The following MAP1LC3C variants were observed in gnomAD, a reference collection of about 807,000 sequenced individuals.
MAP1LC3C encodes microtubule-associated protein 1 light chain 3 gamma.
Under a neutral mutation model 10.4 loss-of-function variants are expected in MAP1LC3C, and 12 were observed. That is an observed-to-expected ratio of 1.15 (90% CI 0.74 to 1.86). The LOEUF is 1.86. MAP1LC3C is among the 40% of genes most tolerant of loss of function. MAP1LC3C has a pLI of 0.00. For synonymous variants in MAP1LC3C, 70 were observed against 69.0 expected (o/e 1.01, Z -0.07); for missense variants, 177 against 185.7 (o/e 0.95, Z 0.27).
At chr1:241,996,904 C>T (rs1173549309) in intron 3 of MAP1LC3C, among the ~76,000 whole-genome samples, 4 of 1,400 alleles carry the variant, frequency 2.9e-3, no homozygotes, top group Non-Finnish European at 9.8e-3. Context: ...AGCAAGACTG[C>T]GTCTCAAAAA....
chr1:241,997,940 ATTC>A, intron 3 of MAP1LC3C, among the ~76,000 whole-genome samples: 1 of 152,150 alleles, frequency 6.6e-6, no homozygotes, highest in Middle Eastern at 3.4e-3. Flanking sequence ...ACTTTAGGAA[ATTC>A]TTAGAAATGT....
upstream of MAP1LC3C, among the ~76,000 whole-genome samples, chr1:242,001,390 G>A (rs181498158): frequency 2.1e-3 from 315 of 152,312 alleles, 1 homozygote; most frequent in African/African-American, 7.4e-3. Context: ...GAGGTGGGCA[G>A]ATCACCTGAG....
rs774682694 is a variant in MAP1LC3C, at chr1:241,998,782, T to A, written c.108A>T (p.Lys36Asn). 1.9e-6 allele frequency: 3 copies of A among 1,614,026 alleles called. No homozygotes were observed. Among genetic ancestry groups the A allele is most frequent in the Non-Finnish European group, 1.7e-6 (2 of 1,180,008 alleles). Residue 36 changes from lysine to asparagine, a missense_variant, in exon 2 of 4, where the codon AAA (lysine) becomes AAT (asparagine). Lys to Asn is a moderately conservative substitution (Grantham distance 94). Transcript: ENST00000357246. ...VAGIRAKFPN[K>N]IPVVVERYPR... Reference sequence around the variant, plus strand: ...AAGTCCAGTGGTGTCTTACCGGGATTTTGTTGGGGAACTTTGCCCGGATTC... The same window carrying A: ...AAGTCCAGTGGTGTCTTACCGGGATATTGTTGGGGAACTTTGCCCGGATTC...
chr1:241,996,159 T>A lies in MAP1LC3C; in HGVS notation c.*4A>T, dbSNP rs775442811. 19 of 1,609,762 alleles carry A rather than the reference T, an allele frequency of 1.2e-5. No individual in the cohort carries two copies. On this transcript the variant is annotated 3_prime_UTR_variant, in exon 4 of 4. Transcript: ENST00000357246. ...GTCAGAGCACACATCCTTCCCGACA[T>A]GGGCTAGAGAGGATTGCAGGGTCTG...
Position 241,999,058 on chromosome 1 carries a change from C to T in MAP1LC3C, c.-50G>A. 1 of 1,557,778 alleles carries T rather than the reference C, an allele frequency of 6.4e-7. No homozygotes were observed. The highest frequency in any genetic ancestry group is 8.6e-7 in the Non-Finnish European group (1 of 1,163,100). On this transcript the variant is annotated 5_prime_UTR_variant, in exon 1 of 4. Coordinates refer to ENST00000357246, the MANE Select transcript of MAP1LC3C (RefSeq NM_001004343.3). ...TAAAAAAGAAAAAAAAACTGTCCCG[C>T]AACCGGGAACCTAACTCATTCCTCC... is the stretch of plus-strand genomic sequence containing the variant.
Position 241,996,120 on chromosome 1 carries a change from C to T in MAP1LC3C, c.*43G>A, listed in dbSNP as rs1010491386. On this transcript the variant is annotated 3_prime_UTR_variant, in exon 4 of 4. Coordinates refer to ENST00000357246, the MANE Select transcript of MAP1LC3C (RefSeq NM_001004343.3). The stretch of plus-strand genomic sequence containing the variant: ...GGAGAAAACCAATCCCTTCTGCCAG[C>T]ATCTGACACGTCTGTCAGAGCACAC... The T allele has an allele frequency of 3.2e-6, 5 of 1,550,476 alleles. No individual in the cohort carries two copies. The highest frequency in any genetic ancestry group is 2.3e-5 in the East Asian group (1 of 44,390).
At chr1:241,999,653 A>G (rs1665157132), upstream of MAP1LC3C, among the ~76,000 whole-genome samples, 1 of 152,158 alleles carries the variant, frequency 6.6e-6, no homozygotes. Context: ...TACTAAAAAT[A>G]CAAAAATTAG....
At position 241,999,055 on chromosome 1, in the gene MAP1LC3C, C is replaced by T; in HGVS notation, c.-47G>A. ...TTTTAAAAAAGAAAAAAAAACTGTC[C>T]CGCAACCGGGAACCTAACTCATTCC... On this transcript the variant is annotated 5_prime_UTR_variant, in exon 1 of 4. Transcript: ENST00000357246. 6.4e-7 allele frequency: 1 copy of T among 1,561,796 alleles called. No individual in the cohort carries two copies. Among genetic ancestry groups the T allele is most frequent in the African/African-American group, 1.4e-5 (1 of 72,356 alleles).
Position 241,996,034 on chromosome 1 carries a change from A to C in MAP1LC3C, c.*129T>G, listed in dbSNP as rs1302232751. On this transcript the variant is annotated 3_prime_UTR_variant, in exon 4 of 4. Transcript: ENST00000357246. Reference sequence around the variant, plus strand: ...TAGGAAGAGCCACCACTCTGCTGCCACTGGTTGGAGCTGATCACCCCAGGC... The same window carrying C: ...TAGGAAGAGCCACCACTCTGCTGCCCCTGGTTGGAGCTGATCACCCCAGGC... 2.8e-6 allele frequency: 2 copies of C among 709,296 alleles called. No individual in the cohort carries two copies. Among genetic ancestry groups the C allele is most frequent in the African/African-American group, 3.5e-5 (2 of 56,426 alleles). 43.9% of individuals were successfully genotyped at this position (709,296 alleles called of 1,614,324 possible).
intron 3 of MAP1LC3C, 36 bp downstream of exon 3, chr1:241,998,478 C>T: frequency 6.3e-7 from 1 of 1,587,400 alleles, no homozygotes; most frequent in Non-Finnish European, 8.7e-7. Context: ...GCGCACCCAG[C>T]GCACCTTCCT....
chr1:241,996,481 T>G (rs952875293), intron 3 of MAP1LC3C, 96 bp from the exon 4 acceptor site: 1 of 1,011,634 alleles, frequency 9.9e-7, no homozygotes, highest in Non-Finnish European at 1.5e-6. Context: ...TGCTCCCTTC[T>G]TCTTCCCTGA....
chr1:241,999,632 A>G (rs1028925490), upstream of MAP1LC3C, among the ~76,000 whole-genome samples: 2 of 152,170 alleles, frequency 1.3e-5, no homozygotes, highest in African/African-American at 4.8e-5. Flanking sequence ...AACATGCTGA[A>G]ACCCCATCTC....
chr1:241,998,684 A>C, intron 2 of MAP1LC3C, 64 bp from the exon 3 acceptor site: 1 of 1,608,430 alleles, frequency 6.2e-7, no homozygotes, highest in Non-Finnish European at 8.5e-7. Flanking sequence ...TGGAACAGAC[A>C]GAGGGAAGCT....
At chr1:241,996,507 A>G (rs1373346896) in intron 3 of MAP1LC3C, 122 bp from the exon 4 acceptor site, 11 of 787,106 alleles carry the variant, frequency 1.4e-5, no homozygotes, top group Non-Finnish European at 2.0e-5. Context: ...AGGAACTACA[A>G]GGCTTCCCAT....
chr1:241,996,247 G>A lies in MAP1LC3C; in HGVS notation c.360C>T (p.Ala120=), dbSNP rs781425891. 6.2e-7 allele frequency: 1 copy of A among 1,614,170 alleles called. No homozygotes were observed. Residue 120 remains alanine, a synonymous_variant, in exon 4 of 4, where the codon GCC becomes GCT. Coordinates refer to ENST00000357246, the MANE Select transcript of MAP1LC3C (RefSeq NM_001004343.3). ...DEDGFVYMTY[A]SQETFGCLES... is the part of the protein sequence containing the mutation. ...CCAGGCAGCCAAATGTCTCCTGGGA[G>A]GCGTAGGTCATGTACACGAAGCCAT...
chr1:241,999,599 C>T (rs1012146730), upstream of MAP1LC3C, among the ~76,000 whole-genome samples: 13 of 152,212 alleles, frequency 8.5e-5, no homozygotes, highest in East Asian at 1.9e-4. Flanking sequence ...CGTGGGAGGC[C>T]GAGGCGGGTG....
At chr1:241,997,443 C>G (rs28408310) in intron 3 of MAP1LC3C, among the ~76,000 whole-genome samples, 1 of 152,164 alleles carries the variant, frequency 6.6e-6, no homozygotes, top group East Asian at 1.9e-4. Flanking sequence ...TCGCCTGAGC[C>G]CAGAAGGCCA....
At chr1:241,998,892 A>G in intron 1 of MAP1LC3C, 59 bp downstream of exon 1, 2 of 1,614,008 alleles carry the variant, frequency 1.2e-6, no homozygotes, top group East Asian at 2.2e-5. Context: ...AAAGATCAAG[A>G]GAAGGCCAGA....
chr1:241,996,522 G>C, intron 3 of MAP1LC3C, 137 bp from the exon 4 acceptor site: 1 of 680,116 alleles, frequency 1.5e-6, no homozygotes, highest in Non-Finnish European at 2.5e-6. Flanking sequence ...TCCCATTTGG[G>C]TCAAAAGGGT....
Sources: allele counts gnomAD v4.1 joint callset (sites outside exome capture counted in the v4.1 genomes callset), GRCh38; gene constraint gnomAD v4.1.1; transcripts MANE v1.5; gene names NCBI Gene and HGNC (gene_info 2026-07-23, HGNC 2026-07-21).